The following MME variants were observed in gnomAD, a reference collection of about 807,000 sequenced individuals.
MME encodes the protein neprilysin.
MME carries 98 observed loss-of-function variants against 113.2 expected under a neutral mutation model. The ratio of observed to expected loss-of-function variants is 0.87; its 90% CI spans 0.74 to 1.02. MME has a LOEUF of 1.02. Among genes scored for constraint, MME ranks in the 50% least tolerant of loss-of-function variants. MME has a pLI of 0.00. For missense variants in MME, 836 were observed against 896.0 expected, an observed-to-expected ratio of 0.93 and a Z score of 0.86; for synonymous variants, 292 against 300.6, an observed-to-expected ratio of 0.97 and a Z score of 0.30.
intron 1 of MME, among the ~76,000 whole-genome samples, chr3:155,046,097 T>TAAG (rs1713550472): frequency 2.0e-5 from 3 of 152,184 alleles, no homozygotes; most frequent in African/African-American, 7.2e-5. Context: ...ACCAACTCTC[T>TAAG]AAGACTCCTA....
chr3:155,056,982 C>G (rs1713951739), intron 1 of MME, among the ~76,000 whole-genome samples: 1 of 152,108 alleles, frequency 6.6e-6, no homozygotes, highest in Admixed American at 6.6e-5. Context: ...AGACCTAAAA[C>G]CATAAAAACC....
chr3:155,138,138 G>C lies in MME; in HGVS notation c.757G>C (p.Ala253Pro), dbSNP rs201809149. Reference protein sequence around the residue: ...TAYVDFMISVARLIRQEERLP... With the variant: ...TAYVDFMISVPRLIRQEERLP... ...ATATGTGGATTTTATGATTTCTGTG[G>C]CCAGATTGATTCGTCAGGAAGAAAG... is the stretch of plus-strand genomic sequence containing the variant. The change falls in exon 9 of 23, where the codon GCC (alanine) becomes CCC (proline). Residue 253 changes from alanine (A) to proline (P), a missense_variant. Physicochemically the swap from Ala to Pro is conservative, Grantham distance 27 (BLOSUM62 -1). Coordinates refer to ENST00000360490, the MANE Select transcript of MME (RefSeq NM_007289.4). 2.5e-6 allele frequency: 4 copies of C among 1,613,492 alleles called. No homozygotes were observed. In the Admixed American group the frequency reaches 5.0e-5, roughly 20 times the overall value.
At chr3:155,035,878 A>G (rs1272352581) in intron 1 of MME, among the ~76,000 whole-genome samples, 1 of 152,202 alleles carries the variant, frequency 6.6e-6, no homozygotes, top group Non-Finnish European at 1.5e-5. Flanking sequence ...GAGCAATGAC[A>G]TGGATAACTT....
At chr3:155,126,241 G>A (rs1320177286) in intron 8 of MME, among the ~76,000 whole-genome samples, 1 of 152,020 alleles carries the variant, frequency 6.6e-6, no homozygotes, top group African/African-American at 2.4e-5. Flanking sequence ...AGGAATTTTG[G>A]TTCACTATTG....
intron 17 of MME, among the ~76,000 whole-genome samples, chr3:155,161,582 C>T (rs2108352987): frequency 6.6e-6 from 1 of 152,044 alleles, no homozygotes; most frequent in East Asian, 1.9e-4. Flanking sequence ...GCTTTCAAGT[C>T]TAAAAAGAGT....
At chr3:155,124,314 A>G (rs1719407483) in intron 8 of MME, among the ~76,000 whole-genome samples, 3 of 151,872 alleles carry the variant, frequency 2.0e-5, no homozygotes. Context: ...CTAGTTATAC[A>G]TTCTTCTAAA....
At chr3:155,037,033 A>G (rs760778058) in intron 1 of MME, among the ~76,000 whole-genome samples, 1 of 152,208 alleles carries the variant, frequency 6.6e-6, no homozygotes, top group Non-Finnish European at 1.5e-5. Context: ...TCCTTTGACC[A>G]TAGATGTCAA....
chr3:155,069,773 C>A (rs1359674536), intron 1 of MME, among the ~76,000 whole-genome samples: 1 of 152,080 alleles, frequency 6.6e-6, no homozygotes, highest in Non-Finnish European at 1.5e-5. Flanking sequence ...AAAAGCAATA[C>A]CATCAGATTA....
intron 17 of MME, among the ~76,000 whole-genome samples, chr3:155,166,458 A>T (rs1723102430): frequency 6.6e-6 from 1 of 152,196 alleles, no homozygotes; most frequent in Non-Finnish European, 1.5e-5. Context: ...CTGCAATAAC[A>T]TTAAAAATAA....
In MME at chr3:155,074,435, CTTTCT is replaced by C. The variant is rs1267279074; in HGVS notation, c.-10-9719_-10-9715del. On this transcript the variant is annotated intron_variant, in intron 1 of 22. Transcript: ENST00000492661. ...GTGTGTGTGTGTGTTTCCTTTCTTT[CTTTCT>C]TTTTTTTTTGAGACAGAGTCTCACT... Among the ~76,000 whole-genome samples, 3 of 151,334 alleles carry C rather than the reference CTTTCT, an allele frequency of 2.0e-5. No homozygotes were observed. The East Asian group carries it at 5.8e-4, about 29-fold the overall frequency.
chr3:155,136,211 G>C (rs1720623940), intron 8 of MME, among the ~76,000 whole-genome samples: 1 of 152,116 alleles, frequency 6.6e-6, no homozygotes, highest in East Asian at 1.9e-4. Context: ...GGACGTCTTT[G>C]TCGTGTTTCT....
At chr3:155,030,886 A>G (rs1351122234) in intron 1 of MME, among the ~76,000 whole-genome samples, 1 of 152,234 alleles carries the variant, frequency 6.6e-6, no homozygotes, top group Non-Finnish European at 1.5e-5. Context: ...TGTCCATGGA[A>G]GAGGAAAAAA....
upstream of MME, among the ~76,000 whole-genome samples, chr3:155,076,991 C>G (rs1264650264): frequency 6.6e-6 from 1 of 152,170 alleles, no homozygotes; most frequent in African/African-American, 2.4e-5. Flanking sequence ...TTCATCAGCA[C>G]AGTCTTTCTG....
chr3:155,143,505 G>T lies in MME; in HGVS notation c.1251G>T (p.Gly417=). The change falls in exon 13 of 23, where the codon GGG becomes GGT. Residue 417 remains glycine (G), a synonymous_variant. Transcript: ENST00000360490. ...GACGTTGTGCAAACTATGTCAATGG[G>T]AATATGGAAAATGCTGTGGGGAGGC... is the stretch of plus-strand genomic sequence containing the variant. ...TWRRCANYVN[G]NMENAVGRLY... is the part of the protein sequence containing the mutation. 1 of 1,612,888 alleles carries T rather than the reference G, an allele frequency of 6.2e-7. No individual in the cohort carries two copies. The highest frequency in any genetic ancestry group is 1.1e-5 in the South Asian group (1 of 91,074).
upstream of MME, among the ~76,000 whole-genome samples, chr3:155,076,494 C>T (rs927565055): frequency 6.6e-6 from 1 of 152,136 alleles, no homozygotes; most frequent in Admixed American, 6.5e-5. Context: ...ACTCACATAT[C>T]CTTCTTGATT....
rs199984953 is a variant in MME, at chr3:155,181,207, T to C, written c.*748T>C. 1 of 151,948 alleles carries C rather than the reference T, an allele frequency of 6.6e-6. No individual in the cohort carries two copies. Among genetic ancestry groups the C allele is most frequent in the Admixed American group, 6.6e-5 (1 of 15,256 alleles). 9.4% of individuals were successfully genotyped at this position (151,948 alleles called of 1,614,324 possible). ...TATATAAATGTAAAAATAATAATTT[T>C]TATATTTAATTATTAACTACATTTA... On this transcript the variant is annotated 3_prime_UTR_variant, in exon 23 of 23. Transcript: ENST00000360490.
At chr3:155,105,984 G>A (rs905913265) in intron 3 of MME, among the ~76,000 whole-genome samples, 1 of 152,030 alleles carries the variant, frequency 6.6e-6, no homozygotes, top group Non-Finnish European at 1.5e-5. Flanking sequence ...TTGTGCCTAC[G>A]TGTGTGTATG....
intron 3 of MME, among the ~76,000 whole-genome samples, chr3:155,098,525 C>A (rs542537717): frequency 6.6e-6 from 1 of 151,124 alleles, no homozygotes; most frequent in Non-Finnish European, 1.5e-5. Flanking sequence ...CACTGCACTC[C>A]GGCCTGGGCG....
At chr3:155,041,004 A>T (rs540887385) in intron 1 of MME, among the ~76,000 whole-genome samples, 6 of 152,042 alleles carry the variant, frequency 3.9e-5, no homozygotes, top group Non-Finnish European at 7.4e-5. Flanking sequence ...TGTTATAAAG[A>T]CTCTCTCTAT....
Sources: gnomAD v4.1 joint callset for allele counts (sites outside exome capture counted in the v4.1 genomes callset) on GRCh38, gnomAD v4.1.1 for gene constraint, MANE v1.5 for transcripts, NCBI Gene and HGNC (gene_info 2026-07-23, HGNC 2026-07-21) for gene names.